Variants in INVS observed in about 807,000 individuals in gnomAD.
INVS encodes inversin.
INVS carries 86 observed loss-of-function variants against 108.8 expected under a neutral mutation model. That is an observed-to-expected ratio of 0.79 (90% CI 0.66 to 0.95). INVS has a LOEUF of 0.95. Among genes scored for constraint, INVS ranks in the 40% least tolerant of loss-of-function variants. The pLI, the probability that INVS is intolerant of heterozygous loss-of-function variation, is 0.00. For synonymous variants in INVS, 455 were observed against 473.5 expected (o/e 0.96, Z 0.51); for missense variants, 1,169 against 1,297.4 (o/e 0.90, Z 1.52).
intron 8 of INVS, 88 bp downstream of exon 8, chr9:100,246,875 A>T (rs1832064740): frequency 8.5e-7 from 1 of 1,176,452 alleles, no homozygotes; most frequent in Non-Finnish European, 1.3e-6. Context: ...AGCAACTTGA[A>T]ATCATTGTTC....
intron 3 of INVS, among the ~76,000 whole-genome samples, chr9:100,160,954 C>CAA (rs34945084): frequency 9.8e-4 from 71 of 72,512 alleles, no homozygotes; most frequent in Non-Finnish European, 1.4e-3. Flanking sequence ...GACTCTGTCT[C>CAA]AAAAAAAAAA....
chr9:100,100,846 A>ATAATATATATT (rs1826895654), intron 1 of INVS, among the ~76,000 whole-genome samples: 3 of 4,894 alleles, frequency 6.1e-4, no homozygotes, highest in East Asian at 0.026. Context: ...ATATATATAT[A>ATAATATATATT]ATATATGTAT....
intron 3 of INVS, chr9:100,175,354 C>T (rs1392207075): frequency 9.2e-6 from 7 of 759,466 alleles, no homozygotes; most frequent in Non-Finnish European, 1.7e-5. Context: ...TTCACGAGTC[C>T]CAAAGGCAGA....
chr9:100,100,666 A>ATATATACATATATAATATATATAT lies in INVS; in HGVS notation c.-25+1255_-25+1256insACATATATAATATATATATTATAT, dbSNP rs1826831755. On this transcript the variant is annotated intron_variant, in intron 1 of 16. Coordinates refer to ENST00000262457, the MANE Select transcript of INVS (RefSeq NM_014425.5). ...TATATGTATATATAATATATATATT[A>ATATATACATATATAATATATATAT]TATATGTACATATAATATATATATT... Among the ~76,000 whole-genome samples, 3 of 22,252 alleles carry ATATATACATATATAATATATATAT rather than the reference A, an allele frequency of 1.3e-4. 1 individual carries two copies. Among genetic ancestry groups the ATATATACATATATAATATATATAT allele is most frequent in the South Asian group, 2.7e-3 (2 of 738 alleles). The allele number at this position is 22,252 out of a possible 152,430, so 14.6% of individuals were successfully genotyped here.
At chr9:100,149,402 C>G (rs60045005) in intron 3 of INVS, among the ~76,000 whole-genome samples, 2,077 of 152,304 alleles carry the variant, frequency 0.014, 36 homozygotes, top group African/African-American at 0.048. Flanking sequence ...TGATGTTAGG[C>G]AGCTCTTGCA....
chr9:100,138,523 A>G (rs1319475026), intron 3 of INVS, among the ~76,000 whole-genome samples: 3 of 152,042 alleles, frequency 2.0e-5, no homozygotes, highest in Non-Finnish European at 4.4e-5. Context: ...CATATACTTC[A>G]ACCATTAATG....
intron 7 of INVS, among the ~76,000 whole-genome samples, chr9:100,245,955 T>A (rs10989030): frequency 0.19 from 28,934 of 151,804 alleles, 4,448 homozygotes; most frequent in African/African-American, 0.43. Context: ...ACTTGAGGTC[T>A]GGAGTTCAAG....
At chr9:100,148,519 T>C (rs1828702266) in intron 3 of INVS, among the ~76,000 whole-genome samples, 1 of 152,114 alleles carries the variant, frequency 6.6e-6, no homozygotes, top group South Asian at 2.1e-4. Flanking sequence ...ACAAAGGATA[T>C]AATGCCATAG....
intron 3 of INVS, among the ~76,000 whole-genome samples, chr9:100,172,721 G>A (rs981638054): frequency 1.3e-5 from 2 of 152,208 alleles, no homozygotes; most frequent in African/African-American, 2.4e-5. Flanking sequence ...TAGATAGAGA[G>A]TCAGATAATA....
At chr9:100,100,843 TATAATATATGTATATATAA>T (rs1564111978) in intron 1 of INVS, among the ~76,000 whole-genome samples, 1 of 19,432 alleles carries the variant, frequency 5.1e-5, no homozygotes, top group African/African-American at 3.2e-4. Context: ...ATAATATATA[TATAATATATGTATATATAA>T]TATATATATT....
chr9:100,223,492 C>T (rs1831213187), intron 3 of INVS, among the ~76,000 whole-genome samples: 1 of 152,272 alleles, frequency 6.6e-6, no homozygotes, highest in Admixed American at 6.5e-5. Context: ...TTATTAGGCA[C>T]CTATTCTGTG....
At chr9:100,147,220 T>G (rs1263016799) in intron 3 of INVS, among the ~76,000 whole-genome samples, 1 of 152,218 alleles carries the variant, frequency 6.6e-6, no homozygotes, top group Non-Finnish European at 1.5e-5. Flanking sequence ...CTATAGGCCC[T>G]CTACATACTC....
intron 3 of INVS, among the ~76,000 whole-genome samples, chr9:100,170,088 A>T (rs373393191): frequency 2.6e-5 from 4 of 152,216 alleles, no homozygotes; most frequent in African/African-American, 9.7e-5. Context: ...AAGAATTTAG[A>T]ATTATGGTTA....
intron 3 of INVS, among the ~76,000 whole-genome samples, chr9:100,198,325 T>C (rs1830441365): frequency 7.5e-6 from 1 of 133,046 alleles, no homozygotes; most frequent in African/African-American, 2.9e-5. Context: ...TGGAGACAGT[T>C]TCACTCTTCT....
intron 13 of INVS, among the ~76,000 whole-genome samples, chr9:100,284,979 G>A (rs540405396): frequency 1.3e-5 from 2 of 152,056 alleles, no homozygotes; most frequent in South Asian, 2.1e-4. Context: ...AACTCACAAA[G>A]GAAATAACAT....
intron 12 of INVS, 21 bp downstream of exon 12, chr9:100,273,097 T>C (rs748449217): frequency 1.2e-6 from 2 of 1,607,572 alleles, no homozygotes; most frequent in South Asian, 1.1e-5. Flanking sequence ...GCTACGCAGA[T>C]TGCGTTTTCG....
intron 4 of INVS, among the ~76,000 whole-genome samples, chr9:100,229,410 G>T (rs745534558): frequency 1.3e-5 from 2 of 152,122 alleles, no homozygotes; most frequent in Non-Finnish European, 2.9e-5. Flanking sequence ...GGGGTGGGAT[G>T]AAGCACTATT....
Position 100,122,576 on chromosome 9 carries a change from CTTTTTT to C in INVS, c.107-3787_107-3782del, listed in dbSNP as rs1161036698. Among the ~76,000 whole-genome samples, 19 of 57,520 alleles carry C rather than the reference CTTTTTT, an allele frequency of 3.3e-4. No homozygotes were observed. In the South Asian group the frequency reaches 3.9e-3, roughly 12 times the overall value. The allele number at this position is 57,520 out of a possible 152,430, so 37.7% of individuals were successfully genotyped here. On this transcript the variant is annotated intron_variant, in intron 2 of 16. Transcript: ENST00000262457. ...ATGTTATTGTATTTTAAGTGAGTTTCTTTTTTTTTTTTTTTTTTTTTTTTTGAGACA... is the reference window on the plus strand; with the variant it reads ...ATGTTATTGTATTTTAAGTGAGTTTCTTTTTTTTTTTTTTTTTTTGAGACA...
intron 3 of INVS, among the ~76,000 whole-genome samples, chr9:100,200,564 C>G (rs1015373221): frequency 6.6e-6 from 1 of 152,302 alleles, no homozygotes; most frequent in Admixed American, 6.5e-5. Flanking sequence ...ACTTTTAAGG[C>G]ATGGCCCTTC....
Sources: gnomAD v4.1 joint callset for allele counts (sites outside exome capture counted in the v4.1 genomes callset) on GRCh38, gnomAD v4.1.1 for gene constraint, MANE v1.5 for transcripts, NCBI Gene and HGNC (gene_info 2026-07-23, HGNC 2026-07-21) for gene names.